Variants in MBNL2 observed in about 807,000 individuals in gnomAD.
MBNL2 encodes the protein muscleblind-like protein 2.
In MBNL2, 17 loss-of-function variants were observed where a neutral mutation model predicts 41.9. The observed-to-expected ratio is 0.41, with a 90% CI of 0.28 to 0.61. The LOEUF (loss-of-function observed/expected upper bound fraction) is 0.61. Among genes scored for constraint, MBNL2 ranks in the 20% least tolerant of loss-of-function variants. MBNL2 has a pLI of 0.35. For missense variants in MBNL2, 336 were observed against 505.6 expected, an observed-to-expected ratio of 0.66 and a Z score of 3.22; for synonymous variants, 195 against 182.9, an observed-to-expected ratio of 1.07 and a Z score of -0.53.
intron 2 of MBNL2, among the ~76,000 whole-genome samples, chr13:97,303,928 T>C (rs1197559743): frequency 6.6e-6 from 1 of 152,164 alleles, no homozygotes; most frequent in Non-Finnish European, 1.5e-5. Context: ...GGGTATAAAT[T>C]AGGCATAATT....
the MBNL2 span, among the ~76,000 whole-genome samples, chr13:97,188,299 A>G: frequency 3.3e-5 from 5 of 152,102 alleles, no homozygotes; most frequent in Non-Finnish European, 5.9e-5. Flanking sequence ...CCCAAATAAC[A>G]GTTCCTAAGT....
intron 2 of MBNL2, among the ~76,000 whole-genome samples, chr13:97,305,064 T>C (rs2058000041): frequency 6.6e-6 from 1 of 152,238 alleles, no homozygotes; most frequent in Non-Finnish European, 1.5e-5. Flanking sequence ...TATTCTTCCT[T>C]CTTTTAATTA....
At chr13:97,166,770 C>T in the MBNL2 span, among the ~76,000 whole-genome samples, 1 of 138,564 alleles carries the variant, frequency 7.2e-6, no homozygotes, top group East Asian at 2.2e-4. Flanking sequence ...TTAATACTTA[C>T]TAAACTTCCC....
At chr13:97,186,778 T>A in the MBNL2 span, among the ~76,000 whole-genome samples, 1 of 152,190 alleles carries the variant, frequency 6.6e-6, no homozygotes, top group African/African-American at 2.4e-5. Flanking sequence ...GTTACTCTGA[T>A]GATAAAACTT....
upstream of MBNL2, among the ~76,000 whole-genome samples, chr13:97,216,622 C>T (rs565933658): frequency 1.6e-4 from 24 of 152,270 alleles, 1 homozygote; most frequent in South Asian, 5.0e-3. Context: ...TACCATCTGT[C>T]CTAAGACACC....
chr13:97,227,628 A>G (rs991253612), intron 1 of MBNL2, among the ~76,000 whole-genome samples: 4 of 152,184 alleles, frequency 2.6e-5, no homozygotes, highest in Admixed American at 2.6e-4. Flanking sequence ...GAGATGCATT[A>G]TAAACTGGAT....
chr13:97,383,501 A>T (rs1427121981), intron 8 of MBNL2, among the ~76,000 whole-genome samples: 2 of 152,262 alleles, frequency 1.3e-5, no homozygotes, highest in African/African-American at 4.8e-5. Flanking sequence ...TTTTGTTCAA[A>T]TATAATCAAG....
At chr13:97,234,052 T>C (rs1014939745) in intron 1 of MBNL2, among the ~76,000 whole-genome samples, 18 of 152,234 alleles carry the variant, frequency 1.2e-4, no homozygotes, top group African/African-American at 4.1e-4. Flanking sequence ...ACAATTCCTG[T>C]CTACCCTCTT....
At chr13:97,180,466 G>C in the MBNL2 span, among the ~76,000 whole-genome samples, 1 of 152,082 alleles carries the variant, frequency 6.6e-6, no homozygotes, top group Non-Finnish European at 1.5e-5. Context: ...GCCAGGCATG[G>C]TGGCTCACAC....
intron 1 of MBNL2, among the ~76,000 whole-genome samples, chr13:97,232,009 T>C (rs2042450536): frequency 6.6e-6 from 1 of 152,198 alleles, no homozygotes; most frequent in African/African-American, 2.4e-5. Context: ...CTCCAAAGAA[T>C]GTGAAGGATA....
the MBNL2 span, among the ~76,000 whole-genome samples, chr13:97,173,436 T>A: frequency 6.6e-6 from 1 of 152,198 alleles, no homozygotes; most frequent in African/African-American, 2.4e-5. Context: ...AGTGCACAAA[T>A]GATTGGCAGA....
chr13:97,302,303 G>A (rs560448364), intron 2 of MBNL2, among the ~76,000 whole-genome samples: 2 of 152,314 alleles, frequency 1.3e-5, no homozygotes, highest in South Asian at 4.1e-4. Context: ...AATTAGAAAG[G>A]CATAGTGGGT....
At chr13:97,179,438 T>C in the MBNL2 span, 2 of 152,214 alleles carry the variant, frequency 1.3e-5, no homozygotes, top group Non-Finnish European at 2.9e-5. Context: ...AGAAAACAAC[T>C]GTTAGGCCAC....
At chr13:97,328,055 C>T (rs988445163) in intron 2 of MBNL2, among the ~76,000 whole-genome samples, 1 of 152,048 alleles carries the variant, frequency 6.6e-6, no homozygotes, top group Non-Finnish European at 1.5e-5. Flanking sequence ...TATTCTTAGC[C>T]CCATTTCACA....
the MBNL2 span, among the ~76,000 whole-genome samples, chr13:97,167,973 A>AT: frequency 8.6e-5 from 13 of 151,586 alleles, no homozygotes; most frequent in South Asian, 6.3e-4. Flanking sequence ...ATATATATAT[A>AT]TTTTTTTTTG....
chr13:97,340,029 A>G (rs934966620), intron 3 of MBNL2, among the ~76,000 whole-genome samples: 11 of 152,202 alleles, frequency 7.2e-5, no homozygotes, highest in Non-Finnish European at 1.3e-4. Flanking sequence ...TTATCCATTT[A>G]GTGGCTCTCC....
intron 2 of MBNL2, among the ~76,000 whole-genome samples, chr13:97,282,260 CAGG>C (rs1050887985): frequency 1.4e-4 from 21 of 152,096 alleles, no homozygotes; most frequent in African/African-American, 4.6e-4. Flanking sequence ...GAGGCTGAGG[CAGG>C]AGGATTGATT....
chr13:97,338,877 C>T (rs925234660), intron 3 of MBNL2, among the ~76,000 whole-genome samples: 2 of 152,084 alleles, frequency 1.3e-5, no homozygotes, highest in Non-Finnish European at 2.9e-5. Context: ...ACGAGTGGGA[C>T]GACGGCATTC....
chr13:97,365,078 C>A, intron 7 of MBNL2, 58 bp from the exon 8 acceptor site: 1 of 1,114,212 alleles, frequency 9.0e-7, no homozygotes. Context: ...AACTCTAAAC[C>A]GCTAACCTGT....
Sources: allele counts gnomAD v4.1 joint callset (sites outside exome capture counted in the v4.1 genomes callset), GRCh38; gene constraint gnomAD v4.1.1; transcripts MANE v1.5; gene names NCBI Gene and HGNC (gene_info 2026-07-23, HGNC 2026-07-21).